The following FAM98B variants were observed in gnomAD, a reference collection of about 807,000 sequenced individuals.
FAM98B encodes tRNA-splicing ligase complex subunit FAM98B.
Under a neutral mutation model 43.9 loss-of-function variants are expected in FAM98B, and 32 were observed. The observed-to-expected ratio is 0.73, with a 90% CI of 0.55 to 0.98. The LOEUF (loss-of-function observed/expected upper bound fraction) is 0.98, where lower values mean the gene tolerates loss of function less well. Ranked by LOEUF, FAM98B falls within the 50% of genes least tolerant of loss-of-function variation. The pLI, the probability that FAM98B is intolerant of heterozygous loss-of-function variation, is 0.00. For synonymous variants in FAM98B, 190 were observed against 174.0 expected, an observed-to-expected ratio of 1.09 and a Z score of -0.72; for missense variants, 514 against 522.9, an observed-to-expected ratio of 0.98 and a Z score of 0.17.
chr15:38,478,571 A>G (rs1405757876), intron 6 of FAM98B, among the ~76,000 whole-genome samples: 1 of 152,178 alleles, frequency 6.6e-6, no homozygotes, highest in African/African-American at 2.4e-5. Context: ...TATTATATGC[A>G]TATATATACT....
chr15:38,470,912 A>G lies in FAM98B; in HGVS notation c.531+507A>G, dbSNP rs555359181. Among the ~76,000 whole-genome samples the G allele has an allele frequency of 3.9e-5, 6 of 152,152 alleles. No individual in the cohort carries two copies. The South Asian group carries it at 1.2e-3, about 32-fold the overall frequency. ...AATTAGTACCCTGATGGGGGTAGTT[A>G]AAAACAACTACAAACTATGTACCTT... On this transcript the variant is annotated intron_variant, in intron 4 of 7. Coordinates refer to ENST00000397609, the MANE Select transcript of FAM98B (RefSeq NM_173611.4).
chr15:38,468,462 G>C (rs146019631), intron 3 of FAM98B, among the ~76,000 whole-genome samples: 4,960 of 152,210 alleles, frequency 0.033, 120 homozygotes, highest in Non-Finnish European at 0.052. Flanking sequence ...GGCCCAAGCT[G>C]TCCTCCTACC....
intron 2 of FAM98B, among the ~76,000 whole-genome samples, chr15:38,464,485 TAA>T (rs1208166745): frequency 6.6e-6 from 1 of 152,100 alleles, no homozygotes; most frequent in Non-Finnish European, 1.5e-5. Flanking sequence ...TTTGATTATT[TAA>T]AAGTTTAATT....
At chr15:38,458,846 T>C (rs567487883) in intron 1 of FAM98B, 8 of 487,028 alleles carry the variant, frequency 1.6e-5, no homozygotes, top group Admixed American at 6.4e-5. Flanking sequence ...ATCTGCCATG[T>C]CATCAAACCA....
intron 4 of FAM98B, 36 bp downstream of exon 4, chr15:38,470,441 T>C: frequency 2.0e-6 from 3 of 1,534,336 alleles, no homozygotes; most frequent in Non-Finnish European, 2.6e-6. Context: ...AAAATTCAAC[T>C]GAATGGTAAC....
intron 3 of FAM98B, among the ~76,000 whole-genome samples, chr15:38,469,976 G>T (rs1890098300): frequency 6.6e-6 from 1 of 152,006 alleles, no homozygotes; most frequent in Non-Finnish European, 1.5e-5. Context: ...GCATTTAATA[G>T]GGTGTCTATT....
Position 38,464,185 on chromosome 15 carries a change from C to T in FAM98B, c.217+8C>T, listed in dbSNP as rs1308354316. On this transcript the variant is annotated splice_region_variant and intron_variant, in intron 2 of 7. Coordinates refer to ENST00000397609, the MANE Select transcript of FAM98B (RefSeq NM_173611.4). ...AAAGTATCACGTCTGCTGGTATTGC[C>T]ATTATGTTGTATTTACTTTTCTGTT... 3.3e-5 allele frequency: 53 copies of T among 1,604,760 alleles called. No individual in the cohort carries two copies. The highest frequency in any genetic ancestry group is 4.3e-5 in the Non-Finnish European group (51 of 1,175,004).
intron 1 of FAM98B, among the ~76,000 whole-genome samples, chr15:38,455,404 C>T (rs1435408721): frequency 6.6e-6 from 1 of 152,190 alleles, no homozygotes; most frequent in Non-Finnish European, 1.5e-5. Flanking sequence ...TCCCACACCC[C>T]ACTTTATCTT....
At chr15:38,461,630 A>G (rs1889947835) in intron 1 of FAM98B, among the ~76,000 whole-genome samples, 1 of 152,130 alleles carries the variant, frequency 6.6e-6, no homozygotes, top group Admixed American at 6.5e-5. Context: ...TTCTTTACCT[A>G]CAAAATGAGG....
chr15:38,482,920 CTG>C (rs1241704390), intron 7 of FAM98B: 2 of 152,120 alleles, frequency 1.3e-5, no homozygotes, highest in African/African-American at 4.8e-5. Context: ...ATTATATTAA[CTG>C]TGTTTTCCTT....
chr15:38,474,632 G>A (rs1430362603), intron 6 of FAM98B, among the ~76,000 whole-genome samples: 1 of 152,202 alleles, frequency 6.6e-6, no homozygotes, highest in Non-Finnish European at 1.5e-5. Context: ...AATAGTTGCA[G>A]GTAGTACTGA....
At chr15:38,461,819 A>G (rs562901383) in intron 1 of FAM98B, among the ~76,000 whole-genome samples, 1 of 152,282 alleles carries the variant, frequency 6.6e-6, no homozygotes, top group African/African-American at 2.4e-5. Context: ...GACAACTTTG[A>G]TGAATTATGA....
Position 38,454,225 on chromosome 15 carries a change from G to A in FAM98B, c.64G>A (p.Ala22Thr). Residue 22 changes from alanine (A) to threonine (T), a missense_variant, in exon 1 of 8, where the codon GCG becomes ACG. Around this residue, in one of 2 missense-constraint regions of FAM98B, gnomAD observed 469 missense variants for 451.8 expected, o/e 1.04. Coordinates refer to ENST00000397609, the MANE Select transcript of FAM98B (RefSeq NM_173611.4). Reference sequence around the variant, plus strand: ...GGGAGACGTGCTGGACACACTGGAGGCGCTGGGGTGAGTGCTTTTGGAGAC... The same window carrying A: ...GGGAGACGTGCTGGACACACTGGAGACGCTGGGGTGAGTGCTTTTGGAGAC... ...MEGDVLDTLE[A>T]LGYKGPLLEE... 3.7e-6 allele frequency: 6 copies of A among 1,602,460 alleles called. No individual in the cohort carries two copies. Among genetic ancestry groups the A allele is most frequent in the Non-Finnish European group, 5.1e-6 (6 of 1,175,872 alleles).
At chr15:38,473,826 A>G (rs62002939) in intron 5 of FAM98B, among the ~76,000 whole-genome samples, 1,743 of 152,336 alleles carry the variant, frequency 0.011, 21 homozygotes, top group Non-Finnish European at 0.019. Flanking sequence ...TGATTTGAAA[A>G]GAACAGAGGC....
chr15:38,459,386 T>C, intron 1 of FAM98B: 1 of 404,522 alleles, frequency 2.5e-6, no homozygotes, highest in Non-Finnish European at 4.9e-6. Flanking sequence ...GTGGAAGAGC[T>C]TGACTGGCCA....
intron 6 of FAM98B, among the ~76,000 whole-genome samples, chr15:38,478,955 A>C (rs1890245174): frequency 6.6e-6 from 1 of 151,976 alleles, no homozygotes; most frequent in Non-Finnish European, 1.5e-5. Flanking sequence ...ATTAACATAA[A>C]ATTTACCATT....
intron 3 of FAM98B, among the ~76,000 whole-genome samples, chr15:38,469,864 C>T (rs1890096691): frequency 6.6e-6 from 1 of 151,094 alleles, no homozygotes; most frequent in Non-Finnish European, 1.5e-5. Context: ...CTGCTGTTTT[C>T]TGGGGGCCTG....
chr15:38,481,008 G>A (rs533603629), intron 6 of FAM98B, among the ~76,000 whole-genome samples: 275 of 151,774 alleles, frequency 1.8e-3, no homozygotes, highest in South Asian at 8.7e-3. Flanking sequence ...ATGTGGTTTT[G>A]GTAAAACTAT....
chr15:38,457,956 AC>A (rs1261834792), intron 1 of FAM98B, among the ~76,000 whole-genome samples: 3 of 148,512 alleles, frequency 2.0e-5, no homozygotes, highest in African/African-American at 7.3e-5. Flanking sequence ...TAACAATCTT[AC>A]TTTTTTTTTT....
Sources: gnomAD v4.1 joint callset for allele counts (sites outside exome capture counted in the v4.1 genomes callset) on GRCh38, gnomAD v4.1.1 for gene constraint, gnomAD v4.1.1 regional missense constraint, MANE v1.5 for transcripts, NCBI Gene and HGNC (gene_info 2026-07-23, HGNC 2026-07-21) for gene names.